TRIM44: variants seen among roughly 807,000 people sequenced by gnomAD.
TRIM44 encodes tripartite motif-containing protein 44.
A neutral mutation model predicts 37.4 loss-of-function variants in TRIM44; 13 were observed. That is an observed-to-expected ratio of 0.35 (90% CI 0.23 to 0.55). The LOEUF is 0.55. Ranked by LOEUF, TRIM44 falls within the 20% of genes least tolerant of loss-of-function variation. TRIM44 has a pLI of 0.89. For synonymous variants in TRIM44, 175 were observed against 157.2 expected (o/e 1.11, Z -0.85); for missense variants, 426 against 437.2 (o/e 0.97, Z 0.23).
rs114509525 is a variant in TRIM44 at position 35,779,577 on chromosome 11, A to C, written c.1008-26781A>C. On this transcript the variant is annotated intron_variant, in intron 4 of 4. Transcript: ENST00000299413. ...CTATTCAGCCATCCCCTCCTCTCCC[A>C]TCTTATCTGTCCAAAAGCTCTTTAG... 8.3e-3 allele frequency among the ~76,000 whole-genome samples: 1,260 copies of C among 152,118 alleles called. 15 individuals are homozygous for C. Among genetic ancestry groups the C allele is most frequent in the African/African-American group, 0.028 (1,170 of 41,510 alleles).
intron 4 of TRIM44, among the ~76,000 whole-genome samples, chr11:35,799,443 A>G (rs1319641334): frequency 2.6e-5 from 4 of 152,206 alleles, no homozygotes; most frequent in African/African-American, 9.7e-5. Flanking sequence ...CTTCTTCTAT[A>G]GTAATCCTAC....
chr11:35,783,258 A>G (rs2133873089), intron 4 of TRIM44, among the ~76,000 whole-genome samples: 1 of 152,288 alleles, frequency 6.6e-6, no homozygotes, highest in South Asian at 2.1e-4. Context: ...TTTCTCCAGA[A>G]TGTCAGCCTG....
At chr11:35,773,580 T>C (rs570858273) in intron 4 of TRIM44, among the ~76,000 whole-genome samples, 10 of 152,154 alleles carry the variant, frequency 6.6e-5, no homozygotes, top group Non-Finnish European at 1.0e-4. Flanking sequence ...CATTAACTCG[T>C]CATTTACATT....
At chr11:35,784,326 G>A (rs1228481989) in intron 4 of TRIM44, among the ~76,000 whole-genome samples, 2 of 152,194 alleles carry the variant, frequency 1.3e-5, no homozygotes, top group Non-Finnish European at 1.5e-5. Context: ...GCAGCTAAAG[G>A]GTAAGATAAC....
intron 1 of TRIM44, among the ~76,000 whole-genome samples, chr11:35,679,134 C>T (rs1296027566): frequency 6.6e-6 from 1 of 152,046 alleles, no homozygotes; most frequent in Non-Finnish European, 1.5e-5. Context: ...ATTCAGGAGC[C>T]AGTTTAGGAT....
intron 4 of TRIM44, among the ~76,000 whole-genome samples, chr11:35,759,776 G>T (rs1174106512): frequency 3.3e-5 from 5 of 152,326 alleles, no homozygotes; most frequent in Non-Finnish European, 7.3e-5. Context: ...GACCCTGTTT[G>T]CCTGGGTATC....
At chr11:35,721,296 A>T (rs980034274) in intron 2 of TRIM44, among the ~76,000 whole-genome samples, 4 of 152,238 alleles carry the variant, frequency 2.6e-5, no homozygotes, top group African/African-American at 9.6e-5. Flanking sequence ...TAGTTTTTAA[A>T]AAGTGTTACA....
intron 2 of TRIM44, among the ~76,000 whole-genome samples, chr11:35,693,754 C>T (rs979619778): frequency 6.6e-6 from 1 of 152,138 alleles, no homozygotes; most frequent in South Asian, 2.1e-4. Flanking sequence ...TTTGGGTTTC[C>T]AGTCTCAGCA....
At position 35,817,167 on chromosome 11, in the gene TRIM44, G is replaced by T. The variant is rs896064017; in HGVS notation, c.*10782G>T. 6.6e-6 allele frequency: 1 copy of T among 152,052 alleles called. No homozygotes were observed. Among genetic ancestry groups the T allele is most frequent in the Admixed American group, 6.5e-5 (1 of 15,274 alleles). The allele number at this position is 152,052 out of a possible 1,614,324, so 9.4% of individuals were successfully genotyped here. On this transcript the variant is annotated 3_prime_UTR_variant, in exon 5 of 5. Coordinates refer to ENST00000299413, the MANE Select transcript of TRIM44 (RefSeq NM_017583.6). ...ATCTTGATAATGCCCATATCCAGAGGTACTCCAGATATTATATCTTCATGC... is the reference window on the plus strand; with the variant it reads ...ATCTTGATAATGCCCATATCCAGAGTTACTCCAGATATTATATCTTCATGC...
chr11:35,720,753 G>T (rs2135513108), intron 2 of TRIM44, among the ~76,000 whole-genome samples: 1 of 152,152 alleles, frequency 6.6e-6, no homozygotes, highest in South Asian at 2.1e-4. Context: ...TATAATAAAT[G>T]AGTGTTGAGT....
chr11:35,784,707 G>A (rs1853107692), intron 4 of TRIM44, among the ~76,000 whole-genome samples: 1 of 152,176 alleles, frequency 6.6e-6, no homozygotes, highest in Admixed American at 6.5e-5. Context: ...ACACAAAAGG[G>A]CAAGAACCAT....
At chr11:35,775,830 A>G (rs893775294) in intron 4 of TRIM44, among the ~76,000 whole-genome samples, 1 of 152,154 alleles carries the variant, frequency 6.6e-6, no homozygotes, top group African/African-American at 2.4e-5. Context: ...CCACTTGATC[A>G]TGGTGGATAA....
At position 35,788,712 on chromosome 11, in the gene TRIM44, A is replaced by G. The variant is rs553901471; in HGVS notation, c.1008-17646A>G. Among the ~76,000 whole-genome samples, 15 of 152,298 alleles carry G rather than the reference A, an allele frequency of 9.8e-5. 1 individual carries two copies. In the East Asian group the frequency reaches 2.9e-3, roughly 29 times the overall value. ...CCCTACAGTTAATGGCTCTATTTCC[A>G]AAGCCTGGTCTTTCCATCCTCTTCA... On this transcript the variant is annotated intron_variant, in intron 4 of 4. Coordinates refer to ENST00000299413, the MANE Select transcript of TRIM44 (RefSeq NM_017583.6).
In TRIM44 at chr11:35,663,018, A is replaced by C. The variant is rs997339473; in HGVS notation, c.-94A>C. 7.0e-7 allele frequency: 1 copy of C among 1,432,832 alleles called. No homozygotes were observed. Among genetic ancestry groups the C allele is most frequent in the Non-Finnish European group, 9.1e-7 (1 of 1,099,132 alleles). The allele number at this position is 1,432,832 out of a possible 1,614,324, so 88.8% of individuals were successfully genotyped here. A position where few individuals can be genotyped will look rare whatever the true frequency, so the allele number is the denominator to read the frequency against. ...TCCAGGCGGGAGGCGACTCCCTAGG[A>C]AGGGACCCGGGGCGGGAGGAGGAAG... On this transcript the variant is annotated 5_prime_UTR_variant, in exon 1 of 5. Coordinates refer to ENST00000299413, the MANE Select transcript of TRIM44 (RefSeq NM_017583.6).
chr11:35,685,479 G>C (rs1212599807), intron 2 of TRIM44, 143 bp downstream of exon 2: 2 of 668,286 alleles, frequency 3.0e-6, no homozygotes, highest in Non-Finnish European at 5.2e-6. Flanking sequence ...ACAGTGTCCT[G>C]ATATGCCTAG....
At chr11:35,721,691 T>A (rs1191559314) in intron 2 of TRIM44, among the ~76,000 whole-genome samples, 1 of 152,208 alleles carries the variant, frequency 6.6e-6, no homozygotes, top group African/African-American at 2.4e-5. Context: ...TTGTAAAACC[T>A]GCTCATTTCA....
chr11:35,787,266 G>T (rs560408948), intron 4 of TRIM44, among the ~76,000 whole-genome samples: 2 of 152,278 alleles, frequency 1.3e-5, no homozygotes, highest in East Asian at 3.9e-4. Flanking sequence ...GTCAGCCAGC[G>T]TGTCTGGAAG....
At chr11:35,806,244 T>C (rs1853447127) in intron 4 of TRIM44, 114 bp from the exon 5 acceptor site, 4 of 1,167,832 alleles carry the variant, frequency 3.4e-6, no homozygotes, top group Non-Finnish European at 5.1e-6. Flanking sequence ...ATCATGGTAG[T>C]TAAGACTTAA....
chr11:35,704,873 C>A (rs1014734574), intron 2 of TRIM44, among the ~76,000 whole-genome samples: 2 of 151,792 alleles, frequency 1.3e-5, no homozygotes, highest in African/African-American at 4.8e-5. Context: ...AAATAACCAG[C>A]TAACATCATA....
Sources: gnomAD v4.1 joint callset for allele counts (sites outside exome capture counted in the v4.1 genomes callset) on GRCh38, gnomAD v4.1.1 for gene constraint, MANE v1.5 for transcripts, NCBI Gene and HGNC (gene_info 2026-07-23, HGNC 2026-07-21) for gene names.